RBMS3: variants seen among roughly 807,000 people sequenced by gnomAD.
The protein encoded by RBMS3 is RNA binding motif single stranded interacting protein 3, also known as RNA-binding motif, single-stranded-interacting protein 3.
In RBMS3, 27 loss-of-function variants were observed where a neutral mutation model predicts 66.8. That is an observed-to-expected ratio of 0.40 (90% CI 0.30 to 0.56). The LOEUF is 0.56. RBMS3 is among the 20% of genes least tolerant of loss of function. The pLI is 0.40. For synonymous variants in RBMS3, 188 were observed against 183.0 expected (o/e 1.03, Z -0.22); for missense variants, 513 against 549.5 (o/e 0.93, Z 0.66).
chr3:29,832,538 C>T (rs924812281), intron 6 of RBMS3, among the ~76,000 whole-genome samples: 11 of 151,124 alleles, frequency 7.3e-5, no homozygotes, highest in Non-Finnish European at 1.5e-4. Context: ...ACCCCTTTAC[C>T]GGGCATAGCT....
At chr3:29,998,351 G>T (rs1242127316) in intron 14 of RBMS3, among the ~76,000 whole-genome samples, 11 of 152,168 alleles carry the variant, frequency 7.2e-5, no homozygotes, top group South Asian at 4.2e-4. Context: ...CAAGGTAATT[G>T]ATAGATTCAA....
At chr3:29,563,352 A>G (rs571805811) in intron 3 of RBMS3, among the ~76,000 whole-genome samples, 1 of 152,324 alleles carries the variant, frequency 6.6e-6, no homozygotes, top group Admixed American at 6.5e-5. Flanking sequence ...CTTTAATTCT[A>G]TTGTCAATTA....
chr3:29,577,068 C>T (rs2047145623), intron 3 of RBMS3, among the ~76,000 whole-genome samples: 1 of 152,198 alleles, frequency 6.6e-6, no homozygotes, highest in African/African-American at 2.4e-5. Context: ...AGCAAACAAC[C>T]TGGGTTTTGC....
intron 4 of RBMS3, among the ~76,000 whole-genome samples, chr3:29,713,016 A>G (rs2053239822): frequency 1.3e-5 from 2 of 152,292 alleles, no homozygotes; most frequent in Middle Eastern, 3.4e-3. Context: ...GGTTCTCAGG[A>G]GAACCTTAAT....
intron 6 of RBMS3, among the ~76,000 whole-genome samples, chr3:29,859,467 T>A (rs931425785): frequency 1.3e-5 from 2 of 152,174 alleles, no homozygotes; most frequent in African/African-American, 2.4e-5. Flanking sequence ...AAGAACTGAT[T>A]GTAACTTTGC....
chr3:29,733,858 C>G (rs992553987), intron 4 of RBMS3, among the ~76,000 whole-genome samples: 1 of 152,044 alleles, frequency 6.6e-6, no homozygotes, highest in Non-Finnish European at 1.5e-5. Context: ...ATGTAGTCTT[C>G]TAGTAGTTTA....
intron 1 of RBMS3, among the ~76,000 whole-genome samples, chr3:29,317,915 A>T (rs2034784237): frequency 6.6e-6 from 1 of 151,866 alleles, no homozygotes; most frequent in African/African-American, 2.4e-5. Flanking sequence ...TTTACAGGAC[A>T]GCTTTAACCT....
At chr3:29,315,028 C>T (rs1164331506) in intron 1 of RBMS3, among the ~76,000 whole-genome samples, 1 of 151,680 alleles carries the variant, frequency 6.6e-6, no homozygotes, top group Non-Finnish European at 1.5e-5. Context: ...AGCTTTTATG[C>T]CTAGGAGCAT....
intron 6 of RBMS3, among the ~76,000 whole-genome samples, chr3:29,771,255 A>G (rs1215058141): frequency 6.6e-6 from 1 of 152,024 alleles, no homozygotes; most frequent in African/African-American, 2.4e-5. Context: ...TGGCATGCTT[A>G]TGAAGGTTCA....
At chr3:29,515,129 G>A (rs945392233) in intron 3 of RBMS3, among the ~76,000 whole-genome samples, 1 of 152,152 alleles carries the variant, frequency 6.6e-6, no homozygotes, top group Admixed American at 6.5e-5. Context: ...TGGTCAAATC[G>A]ACCTTAAGTT....
At chr3:29,425,591 T>A (rs1246519327) in intron 1 of RBMS3, among the ~76,000 whole-genome samples, 1 of 151,936 alleles carries the variant, frequency 6.6e-6, no homozygotes, top group African/African-American at 2.4e-5. Flanking sequence ...TGAGCCAAGA[T>A]CATGTCACTG....
chr3:29,964,886 C>T (rs1355837398), intron 12 of RBMS3, among the ~76,000 whole-genome samples: 1 of 152,126 alleles, frequency 6.6e-6, no homozygotes, highest in African/African-American at 2.4e-5. Context: ...ACTCTTCCCC[C>T]TTTGTCCCCA....
chr3:29,773,639 G>A (rs75379675), intron 6 of RBMS3, among the ~76,000 whole-genome samples: 6,673 of 152,104 alleles, frequency 0.044, 225 homozygotes, highest in Admixed American at 0.078. Flanking sequence ...GTGTTTGCCC[G>A]TGGCCATCAA....
At chr3:29,642,005 T>C (rs1576421747) in intron 4 of RBMS3, among the ~76,000 whole-genome samples, 1 of 152,240 alleles carries the variant, frequency 6.6e-6, no homozygotes, top group Middle Eastern at 3.4e-3. Context: ...CTGACATTTC[T>C]TAGGCATTTT....
chr3:29,392,297 C>T (rs1046437427), intron 1 of RBMS3, among the ~76,000 whole-genome samples: 1 of 151,982 alleles, frequency 6.6e-6, no homozygotes, highest in African/African-American at 2.4e-5. Context: ...AGATCTATTG[C>T]CAAATATATA....
At chr3:29,915,442 C>T (rs1040567081) in intron 10 of RBMS3, among the ~76,000 whole-genome samples, 3 of 151,844 alleles carry the variant, frequency 2.0e-5, no homozygotes, top group African/African-American at 7.3e-5. Context: ...TTTTTCCATG[C>T]CCTGAATATG....
chr3:29,343,283 C>A (rs906042943), intron 1 of RBMS3, among the ~76,000 whole-genome samples: 1 of 151,752 alleles, frequency 6.6e-6, no homozygotes, highest in Non-Finnish European at 1.5e-5. Context: ...AAAGAAATTT[C>A]TTAAGATATA....
At chr3:29,884,466 C>CTCTCTG (rs2059817485) in intron 8 of RBMS3, among the ~76,000 whole-genome samples, 1 of 89,090 alleles carries the variant, frequency 1.1e-5, no homozygotes, top group Non-Finnish European at 2.7e-5. Context: ...CTCTCTCTCT[C>CTCTCTG]TCTCCCCCCC....
chr3:29,961,621 T>C (rs1049964337), intron 12 of RBMS3, among the ~76,000 whole-genome samples: 1 of 152,024 alleles, frequency 6.6e-6, no homozygotes, highest in Admixed American at 6.6e-5. Flanking sequence ...CTTACAACAA[T>C]CATGGTGGAA....
Sources: gnomAD v4.1 joint callset for allele counts (sites outside exome capture counted in the v4.1 genomes callset) on GRCh38, gnomAD v4.1.1 for gene constraint, MANE v1.5 for transcripts, NCBI Gene and HGNC (gene_info 2026-07-23, HGNC 2026-07-21) for gene names.